Variants in HDAC2 observed in about 807,000 individuals in gnomAD.
The protein encoded by HDAC2 is YY1-associated factor 1.
Under a neutral mutation model 68.5 loss-of-function variants are expected in HDAC2, and 5 were observed. That is an observed-to-expected ratio of 0.07 (90% CI 0.04 to 0.15). The LOEUF is 0.15. Ranked by LOEUF, HDAC2 falls within the 10% of genes least tolerant of loss-of-function variation. The probability of loss-of-function intolerance (pLI) is 1.00; values close to 1 mark genes in which losing one functional copy is unlikely to be tolerated. For synonymous variants in HDAC2, 182 were observed against 191.3 expected, an observed-to-expected ratio of 0.95 and a Z score of 0.40; for missense variants, 291 against 600.8, an observed-to-expected ratio of 0.48 and a Z score of 5.39.
At chr6:113,951,797 G>C (rs1486002136) in intron 6 of HDAC2, among the ~76,000 whole-genome samples, 1 of 152,152 alleles carries the variant, frequency 6.6e-6, no homozygotes, top group Non-Finnish European at 1.5e-5. Context: ...GTGAGAAAAA[G>C]AGATGTTGAA....
intron 5 of HDAC2, among the ~76,000 whole-genome samples, chr6:113,955,248 CTG>C (rs1776524467): frequency 1.3e-5 from 2 of 151,648 alleles, no homozygotes; most frequent in Admixed American, 6.6e-5. Context: ...GAGTCTCACT[CTG>C]TAGCCCAGGC....
At chr6:113,948,810 G>A in intron 8 of HDAC2, 169 bp downstream of exon 8, 1 of 617,368 alleles carries the variant, frequency 1.6e-6, no homozygotes, top group East Asian at 2.9e-5. Context: ...CTGCCATAAT[G>A]AAACAAGAAT....
At chr6:113,955,955 T>C (rs1023754792) in intron 5 of HDAC2, 58 bp downstream of exon 5, 5 of 1,271,804 alleles carry the variant, frequency 3.9e-6, no homozygotes, top group Non-Finnish European at 4.3e-6. Flanking sequence ...ACTTTATTTA[T>C]TGTGTTTTAA....
chr6:113,947,731 A>G (rs1349877395), intron 8 of HDAC2: 1 of 152,186 alleles, frequency 6.6e-6, no homozygotes, highest in Non-Finnish European at 1.5e-5. Flanking sequence ...TTGACCTACA[A>G]AGGGACAATT....
At chr6:113,948,871 C>T (rs955126915) in intron 8 of HDAC2, 108 bp downstream of exon 8, 1 of 1,179,702 alleles carries the variant, frequency 8.5e-7, no homozygotes, top group Non-Finnish European at 1.2e-6. Context: ...ATGCAGAGTA[C>T]AGTGTTAAAA....
chr6:113,950,723 A>T (rs1776393596), intron 6 of HDAC2, among the ~76,000 whole-genome samples: 2 of 149,976 alleles, frequency 1.3e-5, no homozygotes, highest in Non-Finnish European at 1.5e-5. Flanking sequence ...CCTAATTCTT[A>T]TGTGCGTTGA....
At chr6:113,941,943 T>G (rs1268249310) in intron 12 of HDAC2, among the ~76,000 whole-genome samples, 178 bp from the exon 13 acceptor site, 1 of 152,072 alleles carries the variant, frequency 6.6e-6, no homozygotes. Context: ...GTACAAGCTA[T>G]GAATAGTCAC....
At position 113,944,260 on chromosome 6, in the gene HDAC2, A is replaced by G; in HGVS notation, c.1222+20T>C. 6.2e-7 allele frequency: 1 copy of G among 1,601,948 alleles called. No individual in the cohort carries two copies. Among genetic ancestry groups the G allele is most frequent in the South Asian group, 1.1e-5 (1 of 90,576 alleles). On this transcript the variant is annotated intron_variant, in intron 11 of 13. Transcript: ENST00000519065. The stretch of plus-strand genomic sequence containing the variant: ...CAATTATCATTTTGACAAATTGGAA[A>G]AATAAAGGCATTATCTTACTAGAAA...
chr6:113,949,728 G>GA (rs1776358980), intron 6 of HDAC2, among the ~76,000 whole-genome samples: 2 of 151,968 alleles, frequency 1.3e-5, no homozygotes, highest in African/African-American at 4.8e-5. Context: ...TATGATGAAA[G>GA]AACGACCCAC....
At chr6:113,956,806 T>C (rs1276791029) in intron 3 of HDAC2, 113 bp from the exon 4 acceptor site, 2 of 714,312 alleles carry the variant, frequency 2.8e-6, no homozygotes, top group East Asian at 2.7e-5. Flanking sequence ...TCATCAAACA[T>C]ACACTTCACA....
rs988492084 is a variant in HDAC2 at position 113,951,352 on chromosome 6, A to G, written c.639+1925T>C. ...CCAAAGATACACGTGAATTACACAG[A>G]AAGTCCAAAAACAGCTGTACATATA... On this transcript the variant is annotated intron_variant, in intron 6 of 13. Coordinates refer to ENST00000519065, the MANE Select transcript of HDAC2 (RefSeq NM_001527.4). Among the ~76,000 whole-genome samples, 12 of 152,258 alleles carry G rather than the reference A, an allele frequency of 7.9e-5. No homozygotes were observed. In the South Asian group the frequency reaches 2.1e-3, roughly 26 times the overall value.
intron 6 of HDAC2, among the ~76,000 whole-genome samples, chr6:113,952,905 A>G (rs1272486473): frequency 6.6e-6 from 1 of 152,234 alleles, no homozygotes; most frequent in African/African-American, 2.4e-5. Flanking sequence ...AGAGGAGCAG[A>G]AGAACCTAAA....
chr6:113,963,983 G>A (rs1040969895), intron 1 of HDAC2, among the ~76,000 whole-genome samples: 7 of 152,058 alleles, frequency 4.6e-5, no homozygotes, highest in Non-Finnish European at 1.0e-4. Context: ...AGATTTTGTA[G>A]AGATAATATG....
At position 113,933,190 on chromosome 6, in the gene HDAC2, T is replaced by A. The variant is rs1168552077; in HGVS notation, c.*7868A>T. 2 of 152,320 alleles carry A rather than the reference T, an allele frequency of 1.3e-5. No individual in the cohort carries two copies. Among genetic ancestry groups the A allele is most frequent in the Non-Finnish European group, 2.9e-5 (2 of 68,038 alleles). The allele number at this position is 152,320 out of a possible 1,614,324, so 9.4% of individuals were successfully genotyped here. A position where few individuals can be genotyped will look rare whatever the true frequency, so the allele number is the denominator to read the frequency against. ...GCTCATGTTCTCATTCACTAAGTGA[T>A]TAAAGTTAACATCATCAGTAATGAG... On this transcript the variant is annotated 3_prime_UTR_variant, in exon 14 of 14. Transcript: ENST00000519065.
At position 113,934,608 on chromosome 6, in the gene HDAC2, C is replaced by T. The variant is rs1775963013; in HGVS notation, c.*6450G>A. On this transcript the variant is annotated 3_prime_UTR_variant, in exon 14 of 14. Coordinates refer to ENST00000519065, the MANE Select transcript of HDAC2 (RefSeq NM_001527.4). ...ATTTATTGCCCACCATAGTCACAAA[C>T]AGACTGGAAATAAGATAGATTTACA... The T allele has an allele frequency of 1.3e-5, 2 of 152,186 alleles. No homozygotes were observed. The highest frequency in any genetic ancestry group is 2.4e-5 in the African/African-American group (1 of 41,440). The allele number at this position is 152,186 out of a possible 1,614,324, so 9.4% of individuals were successfully genotyped here. A position where few individuals can be genotyped will look rare whatever the true frequency, so the allele number is the denominator to read the frequency against.
chr6:113,970,567 G>A, intron 1 of HDAC2: 3 of 1,246,162 alleles, frequency 2.4e-6, no homozygotes, highest in East Asian at 3.5e-5. Context: ...GTAGGCCGGC[G>A]CCGTCCCCAG....
chr6:113,945,621 G>A (rs895944270), intron 9 of HDAC2, 151 bp from the exon 10 acceptor site: 2 of 641,960 alleles, frequency 3.1e-6, no homozygotes, highest in African/African-American at 1.9e-5. Flanking sequence ...ATAAAGAATG[G>A]CACTTACTCT....
At chr6:113,955,219 CTTTT>C (rs556132247) in intron 5 of HDAC2, among the ~76,000 whole-genome samples, 1 of 146,142 alleles carries the variant, frequency 6.8e-6, no homozygotes, top group African/African-American at 2.5e-5. Context: ...ACTTCTAATT[CTTTT>C]TTTTTTTTGA....
intron 1 of HDAC2, chr6:113,970,016 G>A (rs1264870713): frequency 6.6e-6 from 1 of 152,220 alleles, no homozygotes; most frequent in Non-Finnish European, 1.5e-5. Context: ...TACAACACAA[G>A]CAGTAGCAGT....
Sources: gnomAD v4.1 joint callset for allele counts (sites outside exome capture counted in the v4.1 genomes callset) on GRCh38, gnomAD v4.1.1 for gene constraint, MANE v1.5 for transcripts, NCBI Gene and HGNC (gene_info 2026-07-23, HGNC 2026-07-21) for gene names.